Variants in MPDZ observed in about 807,000 individuals in gnomAD.
MPDZ encodes the protein multiple PDZ domain protein.
In MPDZ, 234 loss-of-function variants were observed where a neutral mutation model predicts 239.1. That is an observed-to-expected ratio of 0.98 (90% CI 0.88 to 1.09). The LOEUF (loss-of-function observed/expected upper bound fraction) is 1.09, where lower values mean the gene tolerates loss of function less well. Ranked by LOEUF, MPDZ falls within the 50% of genes least tolerant of loss-of-function variation. The pLI is 0.00. For missense variants in MPDZ, 3,175 were observed against 2,510.0 expected (o/e 1.26, Z -5.66); for synonymous variants, 1,048 against 881.3 (o/e 1.19, Z -3.35).
At chr9:13,113,904 A>G (rs1291036954) in intron 41 of MPDZ, 27 bp downstream of exon 41, 2 of 1,533,126 alleles carry the variant, frequency 1.3e-6, no homozygotes, top group Non-Finnish European at 1.8e-6. Flanking sequence ...AATTCAAACC[A>G]TGTTTAAAAT....
At chr9:13,129,494 AAAAT>A (rs1010889633) in intron 32 of MPDZ, among the ~76,000 whole-genome samples, 53 of 150,346 alleles carry the variant, frequency 3.5e-4, no homozygotes, top group African/African-American at 1.3e-3. Flanking sequence ...TAAATAAATA[AAAAT>A]AAATAAATGA....
At chr9:13,226,977 T>C (rs1960826839) in intron 3 of MPDZ, among the ~76,000 whole-genome samples, 1 of 152,122 alleles carries the variant, frequency 6.6e-6, no homozygotes, top group Non-Finnish European at 1.5e-5. Context: ...GTTTGTGACC[T>C]AGATTTTTTT....
In MPDZ at chr9:13,192,113, T is replaced by C. The variant is rs1321478797; in HGVS notation, c.1968+18A>G. The C allele has an allele frequency of 3.8e-6, 6 of 1,566,908 alleles. No homozygotes were observed. The East Asian group carries it at 9.1e-5, about 24-fold the overall frequency. Reference sequence around the variant, plus strand: ...CCATTATATATGTAGGTTAGCCTCATGTATGCAAATCTGATACCTTTTCTG... The same window carrying C: ...CCATTATATATGTAGGTTAGCCTCACGTATGCAAATCTGATACCTTTTCTG... On this transcript the variant is annotated intron_variant, in intron 15 of 46. Transcript: ENST00000319217.
intron 24 of MPDZ, 131 bp from the exon 25 acceptor site, chr9:13,150,819 T>C (rs1359082224): frequency 1.7e-6 from 1 of 577,272 alleles, no homozygotes; most frequent in African/African-American, 1.9e-5. Context: ...ATAGATAAAA[T>C]GTACTTTATC....
At chr9:13,250,092 C>G (rs1263499973) in intron 2 of MPDZ, among the ~76,000 whole-genome samples, 1 of 152,094 alleles carries the variant, frequency 6.6e-6, no homozygotes, top group East Asian at 1.9e-4. Flanking sequence ...TTAATTTTTG[C>G]TTATAAGTAA....
Position 13,188,275 on chromosome 9 carries a change from T to C in MPDZ, c.2364+509A>G, listed in dbSNP as rs1422417612. ...GCTCACACCTGTATTCCTAGCACTT[T>C]GGGAGGCTGAGGTAGGGGGATCACT... On this transcript the variant is annotated intron_variant, in intron 17 of 46. Transcript: ENST00000319217. Among the ~76,000 whole-genome samples the C allele has an allele frequency of 2.0e-5, 3 of 152,082 alleles. 1 individual carries two copies. The highest frequency in any genetic ancestry group is 2.0e-4 in the Admixed American group (3 of 15,248).
At chr9:13,182,089 C>CA (rs1420726508) in intron 19 of MPDZ, among the ~76,000 whole-genome samples, 2 of 151,928 alleles carry the variant, frequency 1.3e-5, no homozygotes, top group Non-Finnish European at 2.9e-5. Context: ...ATGTTCTGGC[C>CA]AAAAAACCTG....
At chr9:13,214,969 A>T (rs1392498050) in intron 10 of MPDZ, among the ~76,000 whole-genome samples, 1 of 151,904 alleles carries the variant, frequency 6.6e-6, no homozygotes, top group African/African-American at 2.4e-5. Flanking sequence ...TCCATTTTTT[A>T]AAATCGTGGT....
chr9:13,258,513 G>A (rs189373150), intron 1 of MPDZ, among the ~76,000 whole-genome samples: 2 of 152,346 alleles, frequency 1.3e-5, no homozygotes, highest in Non-Finnish European at 2.9e-5. Context: ...CGAAGGCACA[G>A]TTGTAGTCAA....
At chr9:13,125,501 G>T in intron 34 of MPDZ, 111 bp from the exon 35 acceptor site, 1 of 924,204 alleles carries the variant, frequency 1.1e-6, no homozygotes, top group Non-Finnish European at 1.6e-6. Flanking sequence ...TTAAGGGGAG[G>T]GACAGATGCA....
intron 3 of MPDZ, among the ~76,000 whole-genome samples, chr9:13,243,892 T>C (rs761211791): frequency 6.6e-6 from 1 of 152,150 alleles, no homozygotes; most frequent in Non-Finnish European, 1.5e-5. Flanking sequence ...CTCCAAAAAG[T>C]CTGAAGGTCA....
chr9:13,212,443 G>A (rs1054159088), intron 10 of MPDZ, among the ~76,000 whole-genome samples: 4 of 151,988 alleles, frequency 2.6e-5, no homozygotes, highest in Non-Finnish European at 4.4e-5. Context: ...AAAGAAGTGA[G>A]TAATAAACAT....
At chr9:13,110,507 T>C (rs1586854246) in intron 44 of MPDZ, 129 bp downstream of exon 44, 2 of 714,026 alleles carry the variant, frequency 2.8e-6, no homozygotes, top group Non-Finnish European at 2.4e-6. Flanking sequence ...AATTTAATCA[T>C]TTATGTTCAA....
Position 13,192,021 on chromosome 9 carries a change from G to A in MPDZ, c.1968+110C>T, listed in dbSNP as rs1289004077. ...CTTTAAATTCTATCCTCCAAGCCAT[G>A]GGCGATGTGAGTAAATCAAATACCA... On this transcript the variant is annotated intron_variant, in intron 15 of 46. Transcript: ENST00000319217. The A allele has an allele frequency of 1.3e-5, 12 of 959,648 alleles. 1 individual carries two copies. The highest frequency in any genetic ancestry group is 5.1e-5 in the African/African-American group (3 of 59,182). The allele number at this position is 959,648 out of a possible 1,614,324, so 59.4% of individuals were successfully genotyped here.
At chr9:13,138,279 T>C in intron 28 of MPDZ, 126 bp from the exon 29 acceptor site, 4 of 1,081,188 alleles carry the variant, frequency 3.7e-6, no homozygotes, top group Non-Finnish European at 5.0e-6. Flanking sequence ...GCTTTGACAG[T>C]TAAAAGCTAA....
intron 26 of MPDZ, among the ~76,000 whole-genome samples, chr9:13,144,265 G>C (rs1188248990): frequency 6.6e-6 from 1 of 151,876 alleles, no homozygotes; most frequent in Non-Finnish European, 1.5e-5. Context: ...AATTTATGAG[G>C]CTTTAGATAA....
chr9:13,261,855 GA>G (rs1970753731), intron 1 of MPDZ, among the ~76,000 whole-genome samples: 1 of 115,490 alleles, frequency 8.7e-6, no homozygotes, highest in African/African-American at 3.3e-5. Context: ...AACAAAGTGA[GA>G]CCTGTCTCTA....
chr9:13,169,109 A>G (rs1054875798), intron 21 of MPDZ, among the ~76,000 whole-genome samples: 48 of 152,298 alleles, frequency 3.2e-4, no homozygotes, highest in African/African-American at 1.1e-3. Context: ...AGAAGCCTGT[A>G]TTGAAGTCTT....
In MPDZ at chr9:13,174,324, T is replaced by C. The variant is rs115689064; in HGVS notation, c.3055+1428A>G. Among the ~76,000 whole-genome samples, 1,515 of 152,298 alleles carry C rather than the reference T, an allele frequency of 9.9e-3. 33 individuals carry two copies. Among genetic ancestry groups the C allele is most frequent in the African/African-American group, 0.035 (1,437 of 41,568 alleles). On this transcript the variant is annotated intron_variant, in intron 21 of 46. Coordinates refer to ENST00000319217, the MANE Select transcript of MPDZ (RefSeq NM_001378778.1). ...ACTTGTGTTAAGAACAGTGATATTA[T>C]GGTGTCTATGCATAGTGGATATAGT...
Sources: gnomAD v4.1 joint callset for allele counts (sites outside exome capture counted in the v4.1 genomes callset) on GRCh38, gnomAD v4.1.1 for gene constraint, MANE v1.5 for transcripts, NCBI Gene and HGNC (gene_info 2026-07-23, HGNC 2026-07-21) for gene names.